TBL1X: variants seen among roughly 807,000 people sequenced by gnomAD.
TBL1X encodes the protein F-box-like/WD repeat-containing protein TBL1X.
Under a neutral mutation model 50.7 loss-of-function variants are expected in TBL1X, and 10 were observed. That is an observed-to-expected ratio of 0.20 (90% CI 0.12 to 0.33). The LOEUF is 0.33. TBL1X is among the 10% of genes least tolerant of loss of function. The pLI is 1.00. For missense variants in TBL1X, 340 were observed against 504.4 expected (o/e 0.67, Z 3.12); for synonymous variants, 190 against 214.7 (o/e 0.88, Z 1.01).
chrX:9,705,229 C>T (rs2083199560), intron 13 of TBL1X, 115 bp downstream of exon 13: 2 of 1,128,009 alleles, frequency 1.8e-6, no homozygotes, highest in Admixed American at 5.1e-5. Flanking sequence ...CTAATGTGCC[C>T]CTTGGCTATT....
chrX:9,492,838 GGTGTGTGTGTGT>G lies in TBL1X; in HGVS notation c.-200-8893_-200-8882del, dbSNP rs774050435. Among the ~76,000 whole-genome samples, 56 of 56,999 alleles carry G rather than the reference GGTGTGTGTGTGT, an allele frequency of 9.8e-4. 2 individuals carry two copies. Among genetic ancestry groups the G allele is most frequent in the Middle Eastern group, 0.017 (2 of 115 alleles). 49.5% of individuals were successfully genotyped at this position (56,999 alleles called of 115,157 possible). On this transcript the variant is annotated intron_variant, in intron 1 of 17. Transcript: ENST00000645353. ...AATATTGTTGAGATTGGGGCTAGAG[GGTGTGTGTGTGT>G]GTGTGTGTGTGTGTGTGTGTGTGTG...
chrX:9,643,825 C>T (rs188001921), intron 3 of TBL1X, among the ~76,000 whole-genome samples: 2 of 112,321 alleles, frequency 1.8e-5, no homozygotes, highest in East Asian at 2.8e-4. Context: ...TGCACCACTG[C>T]ACTCCAGCCT....
At chrX:9,514,577 T>C (rs1347547893) in intron 2 of TBL1X, among the ~76,000 whole-genome samples, 2 of 112,138 alleles carry the variant, frequency 1.8e-5, no homozygotes. Flanking sequence ...ACTTTTTGTT[T>C]TAAATGATTT....
intron 1 of TBL1X, among the ~76,000 whole-genome samples, chrX:9,470,577 T>C (rs1030024215): frequency 8.9e-6 from 1 of 112,816 alleles, no homozygotes; most frequent in Non-Finnish European, 1.9e-5. Context: ...CTTTGTTCTA[T>C]GCCAGTTAGT....
Position 9,719,408 on chromosome X carries a change from C to T in TBL1X, c.*3162C>T, listed in dbSNP as rs1331216730. ...TTTTCTGTTTTTTAACCTTTTGTTCCGCCATTTAAAAAAAGAAAAAAAAAA... is the reference window on the plus strand; with the variant it reads ...TTTTCTGTTTTTTAACCTTTTGTTCTGCCATTTAAAAAAAGAAAAAAAAAA... On this transcript the variant is annotated 3_prime_UTR_variant, in exon 18 of 18. Coordinates refer to ENST00000645353, the MANE Select transcript of TBL1X (RefSeq NM_005647.4). 6.4e-5 allele frequency: 7 copies of T among 109,462 alleles called. No homozygotes were observed. In the East Asian group the frequency reaches 8.5e-4, roughly 13 times the overall value. The allele number at this position is 109,462 out of a possible 1,213,427, so 9.0% of individuals were successfully genotyped here.
At chrX:9,697,796 A>C (rs1485298340) in intron 12 of TBL1X, among the ~76,000 whole-genome samples, 3 of 111,559 alleles carry the variant, frequency 2.7e-5, no homozygotes, top group Non-Finnish European at 5.7e-5. Context: ...TAATAATCCA[A>C]AATTAGGCTG....
At chrX:9,492,906 GAA>G (rs2081954750) in intron 1 of TBL1X, among the ~76,000 whole-genome samples, 1 of 98,661 alleles carries the variant, frequency 1.0e-5, no homozygotes, top group African/African-American at 3.8e-5. Flanking sequence ...TGTAGGGGAG[GAA>G]GGAATGGAAG....
At chrX:9,674,680 G>GCCCCC (rs57080019) in intron 5 of TBL1X, among the ~76,000 whole-genome samples, 1 of 4,007 alleles carries the variant, frequency 2.5e-4, no homozygotes, top group African/African-American at 7.2e-4. Flanking sequence ...TCCCGCCTCA[G>GCCCCC]CCCCCCCCCC....
intron 2 of TBL1X, among the ~76,000 whole-genome samples, chrX:9,512,565 G>A (rs761748488): frequency 1.8e-5 from 2 of 109,272 alleles, no homozygotes; most frequent in Admixed American, 9.8e-5. Context: ...GTGCAGTGGC[G>A]TGATCCACTG....
chrX:9,632,566 A>C (rs1003540810), intron 2 of TBL1X, among the ~76,000 whole-genome samples: 9 of 112,140 alleles, frequency 8.0e-5, no homozygotes, highest in Admixed American at 1.9e-4. Context: ...TACAGGTGTG[A>C]GCCACTGCGC....
intron 1 of TBL1X, among the ~76,000 whole-genome samples, chrX:9,492,885 GTGTGTGTGT>G (rs1250546106): frequency 0.27 from 13,342 of 48,585 alleles, 1,485 homozygotes; most frequent in East Asian, 0.52. Flanking sequence ...GTGTGTGTGT[GTGTGTGTGT>G]GTGTAGGGGA....
intron 2 of TBL1X, among the ~76,000 whole-genome samples, chrX:9,509,909 A>G (rs1385575645): frequency 9.0e-6 from 1 of 110,835 alleles, no homozygotes; most frequent in Non-Finnish European, 1.9e-5. Flanking sequence ...GTGTGTGTGG[A>G]GGGCAGGAAA....
Position 9,606,324 on chromosome X carries a change from A to C in TBL1X, c.-130-33949A>C, listed in dbSNP as rs571612794. ...CCATAAATGGGCACCTTGGTCAGAG[A>C]ATAACTCCTTTTGAGTCCATAATCG... On this transcript the variant is annotated intron_variant, in intron 2 of 17. Coordinates refer to ENST00000645353, the MANE Select transcript of TBL1X (RefSeq NM_005647.4). Among the ~76,000 whole-genome samples the C allele has an allele frequency of 9.8e-5, 11 of 112,019 alleles. No individual in the cohort carries two copies. In the South Asian group the frequency reaches 4.1e-3, roughly 42 times the overall value.
intron 8 of TBL1X, 129 bp from the exon 9 acceptor site, chrX:9,691,984 G>T: frequency 9.5e-7 from 1 of 1,048,652 alleles, no homozygotes; most frequent in Non-Finnish European, 1.3e-6. Context: ...AGGGAAACAG[G>T]GATCCAGAGG....
At chrX:9,517,576 G>C (rs1259063928) in intron 2 of TBL1X, among the ~76,000 whole-genome samples, 1 of 112,179 alleles carries the variant, frequency 8.9e-6, no homozygotes, top group Non-Finnish European at 1.9e-5. Context: ...ACAAATGCCA[G>C]GTCCCCAAAC....
intron 14 of TBL1X, 135 bp downstream of exon 14, chrX:9,709,457 T>C: frequency 1.0e-6 from 1 of 975,572 alleles, no homozygotes; most frequent in South Asian, 2.3e-5. Flanking sequence ...TCCGGTGAGC[T>C]ACGATTTCTC....
chrX:9,565,353 G>A (rs143593565), intron 2 of TBL1X, among the ~76,000 whole-genome samples: 1,115 of 106,580 alleles, frequency 0.01, 1 homozygote, highest in South Asian at 0.024. Context: ...AGTAATATAT[G>A]TGAAATATTG....
intron 2 of TBL1X, among the ~76,000 whole-genome samples, chrX:9,611,016 C>T (rs2082610952): frequency 8.9e-6 from 1 of 111,983 alleles, no homozygotes; most frequent in Admixed American, 9.4e-5. Flanking sequence ...CCATATTTCT[C>T]TAACACTGGG....
chrX:9,704,894 G>A (rs2083197813), intron 12 of TBL1X, 99 bp from the exon 13 acceptor site: 3 of 1,150,672 alleles, frequency 2.6e-6, no homozygotes, highest in Non-Finnish European at 3.5e-6. Flanking sequence ...AAATAAATAA[G>A]TAAACTAAAG....
Sources: gnomAD v4.1 joint callset for allele counts (sites outside exome capture counted in the v4.1 genomes callset) on GRCh38, gnomAD v4.1.1 for gene constraint, MANE v1.5 for transcripts, NCBI Gene and HGNC (gene_info 2026-07-23, HGNC 2026-07-21) for gene names.